Variants in ROBO2 observed in about 807,000 individuals in gnomAD.
The protein encoded by ROBO2 is roundabout homolog 2.
A neutral mutation model predicts 160.8 loss-of-function variants in ROBO2; 53 were observed. The observed-to-expected ratio is 0.33, with a 90% CI of 0.26 to 0.41. The LOEUF (loss-of-function observed/expected upper bound fraction) is 0.41, where lower values mean the gene tolerates loss of function less well. ROBO2 is among the 10% of genes least tolerant of loss of function. The probability of loss-of-function intolerance (pLI) is 1.00; values close to 1 mark genes in which losing one functional copy is unlikely to be tolerated. For synonymous variants in ROBO2, 664 were observed against 611.7 expected, an observed-to-expected ratio of 1.09 and a Z score of -1.26; for missense variants, 1,577 against 1,722.4, an observed-to-expected ratio of 0.92 and a Z score of 1.49.
chr3:76,768,074 A>G (rs547973159), intron 2 of ROBO2, among the ~76,000 whole-genome samples: 1 of 151,692 alleles, frequency 6.6e-6, no homozygotes, highest in South Asian at 2.1e-4. Flanking sequence ...ATAGAAACAC[A>G]AAAAGTCCTT....
rs149615405 is a variant in ROBO2, at chr3:76,264,927, A to G, written c.109+327325A>G. Among the ~76,000 whole-genome samples, 963 of 152,302 alleles carry G rather than the reference A, an allele frequency of 6.3e-3. 12 individuals are homozygous for G. The highest frequency in any genetic ancestry group is 0.022 in the African/African-American group (918 of 41,566). On this transcript the variant is annotated intron_variant, in intron 2 of 26. Coordinates refer to the ROBO2 transcript ENST00000487694. ...CAAAATGATACTTAATGTCTTCTCTATATACTTTCCTCCCCATGCAGTTTT... is the reference window on the plus strand; with the variant it reads ...CAAAATGATACTTAATGTCTTCTCTGTATACTTTCCTCCCCATGCAGTTTT...
intron 2 of ROBO2, among the ~76,000 whole-genome samples, chr3:76,242,228 A>G (rs1038306458): frequency 2.6e-5 from 4 of 152,026 alleles, no homozygotes; most frequent in Non-Finnish European, 5.9e-5. Flanking sequence ...CTAGCCAGTT[A>G]CATTATGGAT....
At chr3:76,188,882 G>A (rs1416807240) in intron 2 of ROBO2, among the ~76,000 whole-genome samples, 1 of 152,060 alleles carries the variant, frequency 6.6e-6, no homozygotes, top group African/African-American at 2.4e-5. Context: ...AAGATACAGT[G>A]TTGGAGAAGT....
intron 1 of ROBO2, 141 bp from the exon 2 acceptor site, chr3:77,097,873 G>C (rs1030120573): frequency 7.2e-6 from 5 of 693,746 alleles, no homozygotes; most frequent in Non-Finnish European, 9.3e-6. Context: ...TGACTTATGA[G>C]ATGCATACAC....
At chr3:76,719,911 G>C (rs1304654834) in intron 2 of ROBO2, among the ~76,000 whole-genome samples, 1 of 151,582 alleles carries the variant, frequency 6.6e-6, no homozygotes, top group Non-Finnish European at 1.5e-5. Context: ...CATTTCTTTA[G>C]AGAAAAAAAT....
chr3:76,675,686 C>G (rs2092390583), intron 2 of ROBO2, among the ~76,000 whole-genome samples: 3 of 152,060 alleles, frequency 2.0e-5, no homozygotes, highest in African/African-American at 7.2e-5. Context: ...AGACCATATT[C>G]AACAAAAATT....
At chr3:77,064,812 A>G (rs572020950) in intron 1 of ROBO2, among the ~76,000 whole-genome samples, 1 of 152,148 alleles carries the variant, frequency 6.6e-6, no homozygotes, top group African/African-American at 2.4e-5. Flanking sequence ...CTGAGGGAAA[A>G]GGGAGAATGA....
At chr3:76,620,297 A>C (rs2088961280) in intron 2 of ROBO2, among the ~76,000 whole-genome samples, 1 of 152,182 alleles carries the variant, frequency 6.6e-6, no homozygotes, top group Non-Finnish European at 1.5e-5. Context: ...GCCTATGAAA[A>C]GGAAAAGCTA....
At chr3:77,502,002 C>T (rs1477783496) in intron 5 of ROBO2, among the ~76,000 whole-genome samples, 1 of 152,020 alleles carries the variant, frequency 6.6e-6, no homozygotes, top group Non-Finnish European at 1.5e-5. Context: ...TTACTGTATA[C>T]CAGAAATAAT....
intron 2 of ROBO2, among the ~76,000 whole-genome samples, chr3:76,425,795 C>G (rs1053964973): frequency 1.3e-5 from 2 of 151,646 alleles, no homozygotes; most frequent in African/African-American, 2.4e-5. Context: ...CTCACGTGTT[C>G]TTTGAAAGCT....
At chr3:76,722,590 G>T (rs2093483062) in intron 2 of ROBO2, among the ~76,000 whole-genome samples, 1 of 151,992 alleles carries the variant, frequency 6.6e-6, no homozygotes, top group Admixed American at 6.6e-5. Flanking sequence ...GTGTTTATTA[G>T]CACTCACTAC....
At chr3:76,916,124 T>A (rs368565978) in intron 2 of ROBO2, among the ~76,000 whole-genome samples, 1 of 152,160 alleles carries the variant, frequency 6.6e-6, no homozygotes, top group Non-Finnish European at 1.5e-5. Context: ...CCAAATCAGA[T>A]ACATTAAGTT....
At chr3:77,154,493 C>G (rs1436360217) in intron 2 of ROBO2, among the ~76,000 whole-genome samples, 1 of 151,968 alleles carries the variant, frequency 6.6e-6, no homozygotes, top group Non-Finnish European at 1.5e-5. Flanking sequence ...AACAGAATGA[C>G]CATTCAAACC....
In ROBO2 at chr3:76,657,598, A is replaced by G. The variant is rs138371187; in HGVS notation, c.110-440416A>G. 3.9e-3 allele frequency among the ~76,000 whole-genome samples: 562 copies of G among 143,510 alleles called. 6 individuals are homozygous for G. Among genetic ancestry groups the G allele is most frequent in the African/African-American group, 0.014 (532 of 37,802 alleles). The allele number at this position is 143,510 out of a possible 152,430, so 94.1% of individuals were successfully genotyped here. On this transcript the variant is annotated intron_variant, in intron 2 of 26. Transcript: ENST00000487694. ...CTGCCTCTCTAAAAAAAATATATATATGTATATATATATTCATATATATGT... is the reference window on the plus strand; with the variant it reads ...CTGCCTCTCTAAAAAAAATATATATGTGTATATATATATTCATATATATGT...
chr3:76,274,003 G>T (rs944594858), intron 2 of ROBO2, among the ~76,000 whole-genome samples: 3 of 152,126 alleles, frequency 2.0e-5, no homozygotes, highest in Non-Finnish European at 4.4e-5. Context: ...GAGAGCAAGA[G>T]GGGACAGAAC....
chr3:77,319,584 C>T (rs1055048832), intron 2 of ROBO2, among the ~76,000 whole-genome samples: 1 of 152,178 alleles, frequency 6.6e-6, no homozygotes, highest in Non-Finnish European at 1.5e-5. Context: ...ATGAGTAAGA[C>T]AGCTTCAATT....
intron 2 of ROBO2, among the ~76,000 whole-genome samples, chr3:76,906,858 C>T (rs910844362): frequency 6.6e-6 from 1 of 152,034 alleles, no homozygotes; most frequent in East Asian, 1.9e-4. Flanking sequence ...TGTTTGACTA[C>T]AAATATATTA....
At chr3:76,438,930 G>T (rs756381889) in intron 2 of ROBO2, among the ~76,000 whole-genome samples, 2 of 151,862 alleles carry the variant, frequency 1.3e-5, no homozygotes, top group African/African-American at 2.4e-5. Context: ...AAAGGGACTC[G>T]CAGAGAGGCT....
chr3:76,085,787 A>C (rs2108059047), intron 2 of ROBO2, among the ~76,000 whole-genome samples: 1 of 152,296 alleles, frequency 6.6e-6, no homozygotes, highest in East Asian at 1.9e-4. Context: ...CCCACTGTGG[A>C]CAACTCTGAG....
Sources: allele counts gnomAD v4.1 joint callset (sites outside exome capture counted in the v4.1 genomes callset), GRCh38; gene constraint gnomAD v4.1.1; transcripts MANE v1.5; gene names NCBI Gene and HGNC (gene_info 2026-07-23, HGNC 2026-07-21).